Variants in TMEM131 observed in about 807,000 individuals in gnomAD.
TMEM131 encodes transmembrane protein 131, also known as 2610524E03Rik.
TMEM131 carries 66 observed loss-of-function variants against 211.6 expected under a neutral mutation model. The observed-to-expected ratio is 0.31, with a 90% CI of 0.26 to 0.38. The LOEUF (loss-of-function observed/expected upper bound fraction) is 0.38. Among genes scored for constraint, TMEM131 ranks in the 10% least tolerant of loss-of-function variants. The pLI is 1.00. For missense variants in TMEM131, 2,036 were observed against 2,299.3 expected (o/e 0.89, Z 2.34); for synonymous variants, 844 against 841.3 (o/e 1.00, Z -0.06).
chr2:97,814,462 T>C lies in TMEM131; in HGVS notation c.1293-74A>G. On this transcript the variant is annotated intron_variant, in intron 13 of 40. Coordinates refer to ENST00000186436, the MANE Select transcript of TMEM131 (RefSeq NM_015348.2). ...TGTTAATTTAAAATCCAAGTTCTTC[T>C]GTTGTAAGTAATAATTTACATTTAG... is the stretch of plus-strand genomic sequence containing the variant. The C allele has an allele frequency of 3.0e-6, 4 of 1,341,432 alleles. No individual in the cohort carries two copies. In the East Asian group the frequency reaches 1.0e-4, roughly 34 times the overall value. The allele number at this position is 1,341,432 out of a possible 1,614,324, so 83.1% of individuals were successfully genotyped here. A position where few individuals can be genotyped will look rare whatever the true frequency, so the allele number is the denominator to read the frequency against.
chr2:97,958,394 C>G (rs1678668211), intron 1 of TMEM131, among the ~76,000 whole-genome samples: 1 of 152,196 alleles, frequency 6.6e-6, no homozygotes, highest in Non-Finnish European at 1.5e-5. Context: ...CCAACAGGTG[C>G]AGCTTCCTGA....
intron 31 of TMEM131, among the ~76,000 whole-genome samples, chr2:97,781,614 T>C (rs1680009605): frequency 6.6e-6 from 1 of 152,184 alleles, no homozygotes; most frequent in Admixed American, 6.5e-5. Context: ...ACCTGGAGAC[T>C]TACACTTTTG....
At chr2:97,948,371 T>TA (rs975943768) in intron 1 of TMEM131, among the ~76,000 whole-genome samples, 6 of 151,778 alleles carry the variant, frequency 4.0e-5, no homozygotes, top group Admixed American at 2.0e-4. Context: ...CAGCTCAATT[T>TA]AAAAAAATGC....
Position 97,841,863 on chromosome 2 carries a change from A to G in TMEM131, c.675T>C (p.Ser225=), listed in dbSNP as rs765331792. 6.3e-7 allele frequency: 1 copy of G among 1,595,838 alleles called. No homozygotes were observed. The highest frequency in any genetic ancestry group is 1.1e-5 in the South Asian group (1 of 87,814). ...FLGARVPVNS[S]FSPIINIHNP... is the part of the protein sequence containing the mutation. ...TGTGGATGTTTATTATAGGTGAGAA[A>G]CTGCTATTCACAGGGACTCTGGCCC... Residue 225 remains serine, a synonymous_variant, in exon 7 of 41, where the codon AGT becomes AGC. Transcript: ENST00000186436.
chr2:97,807,345 C>G, intron 19 of TMEM131, among the ~76,000 whole-genome samples: 1 of 152,110 alleles, frequency 6.6e-6, no homozygotes, highest in East Asian at 1.9e-4. Context: ...GGGTGGATCC[C>G]TCATGAATGG....
At chr2:97,793,232 T>C (rs563564504) in intron 30 of TMEM131, 163 bp downstream of exon 30, 4 of 726,572 alleles carry the variant, frequency 5.5e-6, no homozygotes, top group Non-Finnish European at 8.8e-6. Context: ...GTATCCAGCA[T>C]GAGCTCTAAG....
chr2:97,802,813 A>G (rs1042935417), intron 22 of TMEM131, 23 bp from the exon 23 acceptor site: 6 of 1,519,098 alleles, frequency 3.9e-6, no homozygotes, highest in African/African-American at 1.4e-5. Context: ...TTTGTAAGTC[A>G]CTGTATCAAA....
chr2:97,759,543 C>A, intron 39 of TMEM131, 109 bp downstream of exon 39: 1 of 947,164 alleles, frequency 1.1e-6, no homozygotes. Context: ...CCTGCGGGGC[C>A]TCTTCCACAG....
chr2:97,968,922 A>G (rs1465542105), intron 1 of TMEM131, among the ~76,000 whole-genome samples: 1 of 61,562 alleles, frequency 1.6e-5, no homozygotes, highest in Non-Finnish European at 3.7e-5. Flanking sequence ...ATCTCTACTA[A>G]AGAAAAAAAA....
At chr2:97,835,188 A>T (rs1016109683) in intron 8 of TMEM131, among the ~76,000 whole-genome samples, 2 of 152,262 alleles carry the variant, frequency 1.3e-5, no homozygotes, top group African/African-American at 2.4e-5. Context: ...TCTGAAAACA[A>T]ATTGTCAGTT....
intron 1 of TMEM131, among the ~76,000 whole-genome samples, chr2:97,985,665 G>A (rs1679991906): frequency 6.6e-6 from 1 of 150,950 alleles, no homozygotes; most frequent in African/African-American, 2.4e-5. Flanking sequence ...ATGTACAAAT[G>A]CATAGACATA....
chr2:97,968,160 C>A (rs1679138109), intron 1 of TMEM131, among the ~76,000 whole-genome samples: 1 of 152,088 alleles, frequency 6.6e-6, no homozygotes, highest in Non-Finnish European at 1.5e-5. Flanking sequence ...GTGTCATTAT[C>A]TTTCTACACC....
intron 25 of TMEM131, among the ~76,000 whole-genome samples, chr2:97,798,609 G>C (rs1006114161): frequency 1.3e-5 from 2 of 152,228 alleles, no homozygotes; most frequent in African/African-American, 4.8e-5. Flanking sequence ...CCAAATCTGC[G>C]ATTTTTCAAG....
intron 40 of TMEM131, 37 bp from the exon 41 acceptor site, chr2:97,757,420 G>A (rs1310709936): frequency 3.2e-6 from 5 of 1,540,552 alleles, no homozygotes; most frequent in Non-Finnish European, 4.4e-6. Context: ...ACTGAGCCCG[G>A]CAGGCAGAGG....
At chr2:97,931,998 C>A (rs1028533471) in intron 1 of TMEM131, among the ~76,000 whole-genome samples, 1 of 151,950 alleles carries the variant, frequency 6.6e-6, no homozygotes, top group African/African-American at 2.4e-5. Flanking sequence ...ATAATCTGTG[C>A]CTAGAAGCAA....
chr2:97,817,810 T>C (rs927993435), intron 12 of TMEM131, among the ~76,000 whole-genome samples: 2 of 152,190 alleles, frequency 1.3e-5, no homozygotes, highest in Non-Finnish European at 2.9e-5. Flanking sequence ...TCTCATCCGA[T>C]GAGGAGCTGA....
chr2:97,938,589 ACACC>A (rs1231330411), intron 1 of TMEM131, among the ~76,000 whole-genome samples: 1 of 152,200 alleles, frequency 6.6e-6, no homozygotes, highest in Non-Finnish European at 1.5e-5. Flanking sequence ...GGAGACTTCA[ACACC>A]CCACTGTCAA....
rs774445909 is a variant in TMEM131 at position 97,859,411 on chromosome 2, T to C, written c.376A>G (p.Lys126Glu). Reference protein sequence around the residue: ...DFHEQPVGMPKMEKVYLHNPS... With the variant: ...DFHEQPVGMPEMEKVYLHNPS... ...TTATGTAAGTAGACTTTTTCCATTT[T>C]TGGCATTCCAACTGGTCTGTAAAAC... is the stretch of plus-strand genomic sequence containing the variant. The change falls in exon 5 of 41, where the codon AAA becomes GAA. Residue 126 changes from lysine to glutamate, a missense_variant. Lys to Glu is a moderately conservative substitution (Grantham distance 56, BLOSUM62 1). This residue lies in a region of TMEM131 where 277 missense variants were observed against 378.0 expected (regional missense o/e 0.73). Coordinates refer to ENST00000186436, the MANE Select transcript of TMEM131 (RefSeq NM_015348.2). The C allele has an allele frequency of 2.8e-5, 45 of 1,587,230 alleles. No individual in the cohort carries two copies. Among genetic ancestry groups the C allele is most frequent in the Non-Finnish European group, 3.7e-5 (43 of 1,171,398 alleles).
intron 11 of TMEM131, chr2:97,827,203 G>A (rs576514722): frequency 4.6e-5 from 32 of 696,530 alleles, no homozygotes; most frequent in South Asian, 2.8e-4. Context: ...CTCTTGGCGC[G>A]CCGCGGCCCG....
Sources: gnomAD v4.1 joint callset for allele counts (sites outside exome capture counted in the v4.1 genomes callset) on GRCh38, gnomAD v4.1.1 for gene constraint, gnomAD v4.1.1 regional missense constraint, MANE v1.5 for transcripts, NCBI Gene and HGNC (gene_info 2026-07-23, HGNC 2026-07-21) for gene names.